SSBP3: variants seen among roughly 807,000 people sequenced by gnomAD.
SSBP3 encodes the protein single-stranded DNA-binding protein 3.
SSBP3 carries 5 observed loss-of-function variants against 69.6 expected under a neutral mutation model. That is an observed-to-expected ratio of 0.07 (90% CI 0.04 to 0.15). The LOEUF (loss-of-function observed/expected upper bound fraction) is 0.15, where lower values mean the gene tolerates loss of function less well. Among genes scored for constraint, SSBP3 ranks in the 10% least tolerant of loss-of-function variants. The pLI is 1.00. For synonymous variants in SSBP3, 196 were observed against 193.4 expected (o/e 1.01, Z -0.11); for missense variants, 312 against 534.0 (o/e 0.58, Z 4.10).
chr1:54,357,482 G>A (rs1646887774), intron 4 of SSBP3, among the ~76,000 whole-genome samples: 2 of 152,164 alleles, frequency 1.3e-5, no homozygotes, highest in African/African-American at 2.4e-5. Flanking sequence ...GAAGAAAAGA[G>A]AGAAAATTCA....
intron 4 of SSBP3, among the ~76,000 whole-genome samples, chr1:54,349,557 G>A (rs1159830886): frequency 6.6e-6 from 1 of 152,142 alleles, no homozygotes; most frequent in African/African-American, 2.4e-5. Flanking sequence ...TCAAAGAGGA[G>A]ACCAGCACAG....
At chr1:54,383,239 G>A (rs12042386) in intron 4 of SSBP3, among the ~76,000 whole-genome samples, 14,471 of 151,488 alleles carry the variant, frequency 0.096, 932 homozygotes, top group East Asian at 0.28. Context: ...TTAGCCGGGC[G>A]TGGTGGCGTG....
intron 4 of SSBP3, among the ~76,000 whole-genome samples, chr1:54,400,035 T>G (rs1320969589): frequency 6.6e-6 from 1 of 152,194 alleles, no homozygotes; most frequent in Non-Finnish European, 1.5e-5. Flanking sequence ...AGTAGCATCT[T>G]CTAAATGTCA....
chr1:54,324,157 C>T (rs1249146664), intron 4 of SSBP3, among the ~76,000 whole-genome samples: 1 of 152,198 alleles, frequency 6.6e-6, no homozygotes, highest in Non-Finnish European at 1.5e-5. Flanking sequence ...TGTCAGGCTC[C>T]AACCAGCTCC....
At position 54,405,936 on chromosome 1, in the gene SSBP3, T is replaced by C; in HGVS notation, c.56+17A>G. 8.1e-7 allele frequency: 1 copy of C among 1,239,222 alleles called. No individual in the cohort carries two copies. The highest frequency in any genetic ancestry group is 1.0e-6 in the Non-Finnish European group (1 of 966,876). The allele number at this position is 1,239,222 out of a possible 1,614,324, so 76.8% of individuals were successfully genotyped here. The stretch of plus-strand genomic sequence containing the variant: ...GCCCGGCGGCGGCGCGGCCGCCACT[T>C]GCAAAATAGGGCTTACTTTTCCCGA... On this transcript the variant is annotated intron_variant, in intron 1 of 17. Transcript: ENST00000610401.
chr1:54,276,988 C>T (rs1645300258), intron 5 of SSBP3, among the ~76,000 whole-genome samples: 1 of 152,172 alleles, frequency 6.6e-6, no homozygotes, highest in South Asian at 2.1e-4. Context: ...GGTTACCTGT[C>T]AGTCTCTCTG....
chr1:54,398,920 G>A (rs977808438), intron 4 of SSBP3, among the ~76,000 whole-genome samples: 2 of 152,116 alleles, frequency 1.3e-5, no homozygotes, highest in Non-Finnish European at 2.9e-5. Context: ...CTCCTTGATA[G>A]AAAACAGAAG....
At chr1:54,251,769 C>T (rs1570263665) in intron 8 of SSBP3, 25 bp downstream of exon 8, 1 of 1,608,472 alleles carries the variant, frequency 6.2e-7, no homozygotes, top group South Asian at 1.1e-5. Context: ...CCCCAGCCAC[C>T]CTAGGCCCAC....
At chr1:54,256,004 G>T (rs555651283) in intron 7 of SSBP3, among the ~76,000 whole-genome samples, 47 of 151,960 alleles carry the variant, frequency 3.1e-4, no homozygotes, top group Non-Finnish European at 6.9e-4. Context: ...CCCAGGAGGC[G>T]GACGGAGGTT....
intron 3 of SSBP3, 25 bp from the exon 4 acceptor site, chr1:54,401,970 G>A (rs756728912): frequency 6.3e-6 from 10 of 1,599,726 alleles, no homozygotes; most frequent in Admixed American, 3.3e-5. Flanking sequence ...ATAAAATAAG[G>A]TCAGGTTACT....
intron 4 of SSBP3, among the ~76,000 whole-genome samples, chr1:54,282,422 C>T (rs1213497869): frequency 1.3e-5 from 2 of 152,250 alleles, no homozygotes; most frequent in Non-Finnish European, 2.9e-5. Flanking sequence ...CTAGGTGTCT[C>T]ATGAGAGAGA....
chr1:54,225,489 A>C, exon 18 of SSBP3: 1 of 1,131,186 alleles, frequency 8.8e-7, no homozygotes, highest in Non-Finnish European at 1.1e-6. Flanking sequence ...TACACAAACT[A>C]CAATGTATCA....
rs181640805 is a variant in SSBP3, at chr1:54,327,394, G to A, written c.277-45867C>T. Among the ~76,000 whole-genome samples, 113 of 152,184 alleles carry A rather than the reference G, an allele frequency of 7.4e-4. 1 individual carries two copies. The highest frequency in any genetic ancestry group is 2.4e-3 in the African/African-American group (99 of 41,510). On this transcript the variant is annotated intron_variant, in intron 4 of 17. Transcript: ENST00000610401. ...CAAGGCCTGGGATCTGCTAAGCCCC[G>A]GGAAAGCCATGGCATCATCTGTCCA...
At chr1:54,243,912 C>T (rs1000126717) in intron 9 of SSBP3, among the ~76,000 whole-genome samples, 1 of 151,948 alleles carries the variant, frequency 6.6e-6, no homozygotes. Flanking sequence ...GGGATCATCA[C>T]TATGTGTGTG....
intron 4 of SSBP3, among the ~76,000 whole-genome samples, chr1:54,324,217 A>G (rs890080642): frequency 1.3e-5 from 2 of 152,202 alleles, no homozygotes; most frequent in African/African-American, 4.8e-5. Context: ...CACAGAAATC[A>G]GAAGTGGGGA....
At chr1:54,316,615 T>G in intron 4 of SSBP3, among the ~76,000 whole-genome samples, 1 of 133,228 alleles carries the variant, frequency 7.5e-6, no homozygotes, top group African/African-American at 3.0e-5. Context: ...CAGTCCGCAG[T>G]CCCACCTGGG....
intron 4 of SSBP3, among the ~76,000 whole-genome samples, chr1:54,357,971 G>C (rs1264706642): frequency 6.6e-6 from 1 of 152,208 alleles, no homozygotes; most frequent in Admixed American, 6.5e-5. Context: ...CCAGGCATGA[G>C]GGTGCAGTGT....
intron 4 of SSBP3, among the ~76,000 whole-genome samples, chr1:54,364,097 G>A (rs935195868): frequency 6.6e-6 from 1 of 152,252 alleles, no homozygotes; most frequent in African/African-American, 2.4e-5. Context: ...TGGCAAACCA[G>A]TAAGGCCCAA....
At chr1:54,233,228 C>T (rs1162003937) in intron 14 of SSBP3, among the ~76,000 whole-genome samples, 2 of 150,908 alleles carry the variant, frequency 1.3e-5, no homozygotes, top group Non-Finnish European at 3.0e-5. Flanking sequence ...GCCTCTGCCC[C>T]GCTGCCCCAT....
Sources: gnomAD v4.1 joint callset for allele counts (sites outside exome capture counted in the v4.1 genomes callset) on GRCh38, gnomAD v4.1.1 for gene constraint, MANE v1.5 for transcripts, NCBI Gene and HGNC (gene_info 2026-07-23, HGNC 2026-07-21) for gene names.